CCNYL1: variants seen among roughly 807,000 people sequenced by gnomAD.
The protein encoded by CCNYL1 is cyclin-Y-like protein 1.
In CCNYL1, 16 loss-of-function variants were observed where a neutral mutation model predicts 44.2. The ratio of observed to expected loss-of-function variants is 0.36; its 90% CI spans 0.25 to 0.55. The LOEUF (loss-of-function observed/expected upper bound fraction) is 0.55, where lower values mean the gene tolerates loss of function less well. Among genes scored for constraint, CCNYL1 ranks in the 20% least tolerant of loss-of-function variants. The pLI, the probability that CCNYL1 is intolerant of heterozygous loss-of-function variation, is 0.85. For synonymous variants in CCNYL1, 159 were observed against 163.2 expected (o/e 0.97, Z 0.20); for missense variants, 348 against 451.8 (o/e 0.77, Z 2.08).
rs747459468 is a variant in CCNYL1 at position 207,726,885 on chromosome 2, A to G, written c.330+9A>G. ...GCAACCATTTGAACCATGTAAGTAA[A>G]CAGTTGGAAAGCTAAGAAATTAACA... On this transcript the variant is annotated intron_variant, in intron 3 of 9. Coordinates refer to ENST00000295414, the MANE Select transcript of CCNYL1 (RefSeq NM_001330218.2). 5 of 1,544,310 alleles carry G rather than the reference A, an allele frequency of 3.2e-6. No homozygotes were observed. Among genetic ancestry groups the G allele is most frequent in the Non-Finnish European group, 4.3e-6 (5 of 1,152,832 alleles).
At chr2:207,714,312 CTT>C (rs60004559) in intron 1 of CCNYL1, 23,144 of 296,032 alleles carry the variant, frequency 0.078, 3 homozygotes, top group Non-Finnish European at 0.089. Flanking sequence ...ACTTACATCT[CTT>C]TTTTTTTTTT....
rs1052541755 is a variant in CCNYL1 at position 207,712,611 on chromosome 2, C to T, written c.220+495C>T. ...TAGCTGATGCCCGCGACAGTTTAGACCCAGATGTTTGAGGATTTCTTATCT... is the reference window on the plus strand; with the variant it reads ...TAGCTGATGCCCGCGACAGTTTAGATCCAGATGTTTGAGGATTTCTTATCT... On this transcript the variant is annotated intron_variant, in intron 1 of 9. Transcript: ENST00000295414. 2.6e-4 allele frequency among the ~76,000 whole-genome samples: 40 copies of T among 152,002 alleles called. 1 individual carries two copies. The highest frequency in any genetic ancestry group is 8.7e-4 in the African/African-American group (36 of 41,422).
In CCNYL1 at chr2:207,756,007, C is replaced by A. The variant is rs1157413094; in HGVS notation, c.*2309C>A. Reference sequence around the variant, plus strand: ...GACATAAATGATAAATAATGGTATACAAATATTACAATCTACCACCTCAAA... The same window carrying A: ...GACATAAATGATAAATAATGGTATAAAAATATTACAATCTACCACCTCAAA... On this transcript the variant is annotated 3_prime_UTR_variant, in exon 10 of 10. Transcript: ENST00000295414. 1 of 152,024 alleles carries A rather than the reference C, an allele frequency of 6.6e-6. No individual in the cohort carries two copies. The highest frequency in any genetic ancestry group is 6.5e-5 in the Admixed American group (1 of 15,276). The allele number at this position is 152,024 out of a possible 1,614,324, so 9.4% of individuals were successfully genotyped here.
At chr2:207,724,225 C>G (rs900371739) in intron 1 of CCNYL1, among the ~76,000 whole-genome samples, 6 of 152,192 alleles carry the variant, frequency 3.9e-5, no homozygotes, top group African/African-American at 1.4e-4. Flanking sequence ...TGTTAGAACA[C>G]AGAACTTCCA....
chr2:207,736,918 G>GTTT (rs776221094), intron 4 of CCNYL1, among the ~76,000 whole-genome samples: 1 of 141,582 alleles, frequency 7.1e-6, no homozygotes, highest in Non-Finnish European at 1.6e-5. Flanking sequence ...ATATTACTGG[G>GTTT]TTTTTTTTTT....
At chr2:207,737,731 C>T (rs1464857042) in intron 5 of CCNYL1, among the ~76,000 whole-genome samples, 10 of 151,676 alleles carry the variant, frequency 6.6e-5, no homozygotes, top group Non-Finnish European at 1.0e-4. Flanking sequence ...AGTTTCTCAA[C>T]GTTGGCACTG....
chr2:207,743,507 G>A (rs2091827451), intron 7 of CCNYL1, among the ~76,000 whole-genome samples: 1 of 152,144 alleles, frequency 6.6e-6, no homozygotes, highest in Non-Finnish European at 1.5e-5. Context: ...CCCTGTTGCT[G>A]GGGAGGCTGA....
At chr2:207,749,033 C>T (rs2091874375) in intron 8 of CCNYL1, among the ~76,000 whole-genome samples, 2 of 152,198 alleles carry the variant, frequency 1.3e-5, no homozygotes, top group East Asian at 3.8e-4. Flanking sequence ...TCAAAACCTG[C>T]AACTGAACTG....
At chr2:207,750,284 T>C (rs1264128367) in intron 8 of CCNYL1, among the ~76,000 whole-genome samples, 2 of 152,216 alleles carry the variant, frequency 1.3e-5, no homozygotes, top group African/African-American at 4.8e-5. Context: ...CACCCTGTCA[T>C]AGTGACAATT....
intron 6 of CCNYL1, 147 bp from the exon 7 acceptor site, chr2:207,742,076 G>T (rs544610920): frequency 1.6e-6 from 1 of 619,550 alleles, no homozygotes; most frequent in Admixed American, 3.3e-5. Context: ...ACTTAAACCC[G>T]GGGGGTAGAG....
intron 5 of CCNYL1, among the ~76,000 whole-genome samples, chr2:207,738,718 CTT>C (rs35827443): frequency 6.6e-6 from 1 of 150,520 alleles, no homozygotes; most frequent in African/African-American, 2.4e-5. Flanking sequence ...TCTCTTCTTT[CTT>C]TTTTTTTTCT....
Position 207,724,886 on chromosome 2 carries a change from C to T in CCNYL1, c.295+12C>T. ...ATCTCAAACGGATGGTAAGACAATA[C>T]TGTTTTTTCCTTCCAAGGAAAAGAC... On this transcript the variant is annotated intron_variant, in intron 2 of 9. Coordinates refer to ENST00000295414, the MANE Select transcript of CCNYL1 (RefSeq NM_001330218.2). 6.3e-7 allele frequency: 1 copy of T among 1,590,870 alleles called. No homozygotes were observed. Among genetic ancestry groups the T allele is most frequent in the Non-Finnish European group, 8.6e-7 (1 of 1,165,574 alleles).
At chr2:207,718,292 T>C (rs2091612988) in intron 1 of CCNYL1, among the ~76,000 whole-genome samples, 1 of 152,096 alleles carries the variant, frequency 6.6e-6, no homozygotes, top group South Asian at 2.1e-4. Context: ...GAGGATTGCT[T>C]GAGCCCAGGA....
chr2:207,752,662 A>T (rs2091902230), intron 9 of CCNYL1, among the ~76,000 whole-genome samples: 2 of 152,326 alleles, frequency 1.3e-5, no homozygotes, highest in South Asian at 4.1e-4. Context: ...ACTGAAATGG[A>T]CACATATTTT....
chr2:207,734,007 A>C lies in CCNYL1; in HGVS notation c.391A>C (p.Ser131Arg). 6.2e-7 allele frequency: 1 copy of C among 1,613,844 alleles called. No individual in the cohort carries two copies. The highest frequency in any genetic ancestry group is 8.5e-7 in the Non-Finnish European group (1 of 1,179,746). The change falls in exon 4 of 10, where the codon AGC becomes CGC. Residue 131 changes from serine (S) to arginine (R), a missense_variant. Around this residue, in one of 3 missense-constraint regions of CCNYL1, gnomAD observed 209 missense variants for 247.7 expected, o/e 0.84. Transcript: ENST00000295414. ...ATGCTCAACAATATTTCTAGATGAC[A>C]GCACAGTCAGCCAGCCTAATCTTAG... is the stretch of plus-strand genomic sequence containing the variant. ...SSCSTIFLDD[S>R]TVSQPNLRTT...
At chr2:207,714,142 C>T (rs1200162016) in intron 1 of CCNYL1, among the ~76,000 whole-genome samples, 1 of 152,114 alleles carries the variant, frequency 6.6e-6, no homozygotes, top group Non-Finnish European at 1.5e-5. Flanking sequence ...AGTTCTCAGA[C>T]TGACATGGAG....
Position 207,747,680 on chromosome 2 carries a change from C to CTGGGATTACAG in CCNYL1, c.806+479_806+489dup, listed in dbSNP as rs1296862682. 3.3e-5 allele frequency among the ~76,000 whole-genome samples: 5 copies of CTGGGATTACAG among 152,236 alleles called. No homozygotes were observed. In the East Asian group the frequency reaches 5.8e-4, roughly 18 times the overall value. The stretch of plus-strand genomic sequence containing the variant: ...TCTCCTGCCTCAGCTTCCTGAGTAG[C>CTGGGATTACAG]TGGGATTACAGTGGGATTACAGGCA... On this transcript the variant is annotated intron_variant, in intron 8 of 9. Transcript: ENST00000295414.
Position 207,751,064 on chromosome 2 carries a change from A to G in CCNYL1, c.914A>G (p.Asn305Ser). The G allele has an allele frequency of 6.2e-7, 1 of 1,614,178 alleles. No homozygotes were observed. Among genetic ancestry groups the G allele is most frequent in the Non-Finnish European group, 8.5e-7 (1 of 1,180,014 alleles). ...GACCTTCGCTCCTTAGCAGATGACA[A>G]CAACCTGAATTTTCTATTTGCTCCT... Reference protein sequence around the residue: ...YFDLRSLADDNNLNFLFAPLS... With the variant: ...YFDLRSLADDSNLNFLFAPLS... The change falls in exon 9 of 10, where the codon AAC (asparagine) becomes AGC (serine). Residue 305 changes from asparagine (N) to serine (S), a missense_variant. By Grantham distance (46) the Asn-to-Ser change is conservative (BLOSUM62 1). Transcript: ENST00000295414.
intron 3 of CCNYL1, among the ~76,000 whole-genome samples, 186 bp downstream of exon 3, chr2:207,727,062 A>G (rs1484866327): frequency 6.6e-6 from 1 of 152,164 alleles, no homozygotes; most frequent in East Asian, 1.9e-4. Flanking sequence ...TAGTGTACCC[A>G]ATTGTTAAGG....
Sources: gnomAD v4.1 joint callset for allele counts (sites outside exome capture counted in the v4.1 genomes callset) on GRCh38, gnomAD v4.1.1 for gene constraint, gnomAD v4.1.1 regional missense constraint, MANE v1.5 for transcripts, NCBI Gene and HGNC (gene_info 2026-07-23, HGNC 2026-07-21) for gene names.